STAG1: variants seen among roughly 807,000 people sequenced by gnomAD.
STAG1 encodes cohesin subunit SA-1.
A neutral mutation model predicts 170.9 loss-of-function variants in STAG1; 26 were observed. That is an observed-to-expected ratio of 0.15 (90% CI 0.11 to 0.21). The LOEUF (loss-of-function observed/expected upper bound fraction) is 0.21. Among genes scored for constraint, STAG1 ranks in the 10% least tolerant of loss-of-function variants. STAG1 has a pLI of 1.00. For missense variants in STAG1, 964 were observed against 1,509.5 expected (o/e 0.64, Z 5.99); for synonymous variants, 514 against 497.7 (o/e 1.03, Z -0.44).
chr3:136,530,130 TA>T (rs1405272219), intron 6 of STAG1, among the ~76,000 whole-genome samples: 1 of 152,166 alleles, frequency 6.6e-6, no homozygotes, highest in African/African-American at 2.4e-5. Flanking sequence ...AAAACAGTCA[TA>T]AAGACAAAGG....
At chr3:136,613,564 G>C (rs1196045295) in intron 3 of STAG1, among the ~76,000 whole-genome samples, 2 of 152,130 alleles carry the variant, frequency 1.3e-5, no homozygotes, top group Admixed American at 6.6e-5. Flanking sequence ...TCAGCTCACT[G>C]CAACCTCTGC....
intron 1 of STAG1, among the ~76,000 whole-genome samples, chr3:136,664,484 G>A (rs1272848755): frequency 6.6e-6 from 1 of 152,108 alleles, no homozygotes; most frequent in Non-Finnish European, 1.5e-5. Flanking sequence ...GGGGTACCTA[G>A]AAGCCTGCCA....
intron 4 of STAG1, among the ~76,000 whole-genome samples, chr3:136,569,485 T>C (rs1439622026): frequency 6.6e-6 from 1 of 150,448 alleles, no homozygotes; most frequent in South Asian, 2.1e-4. Flanking sequence ...GACTAAAATA[T>C]ATTTGTTGTT....
At chr3:136,572,007 AC>A (rs1238370845) in intron 4 of STAG1, among the ~76,000 whole-genome samples, 1 of 152,094 alleles carries the variant, frequency 6.6e-6, no homozygotes, top group Non-Finnish European at 1.5e-5. Flanking sequence ...ACATGGTAAA[AC>A]CCTATCTATG....
rs981700459 is a variant in STAG1, at chr3:136,373,599, A to G, written c.2370+4061T>C. ...ACATCTTTATTTCTGCCTTCATTTCATTATGTACCCAGTAGTCATTCAGGA... is the reference window on the plus strand; with the variant it reads ...ACATCTTTATTTCTGCCTTCATTTCGTTATGTACCCAGTAGTCATTCAGGA... On this transcript the variant is annotated intron_variant, in intron 23 of 33. Coordinates refer to ENST00000383202, the MANE Select transcript of STAG1 (RefSeq NM_005862.3). Among the ~76,000 whole-genome samples the G allele has an allele frequency of 7.9e-5, 12 of 152,036 alleles. No homozygotes were observed. In the East Asian group the frequency reaches 9.7e-4, roughly 12 times the overall value.
intron 22 of STAG1, among the ~76,000 whole-genome samples, chr3:136,391,916 T>C (rs910742564): frequency 3.2e-4 from 49 of 152,182 alleles, no homozygotes; most frequent in African/African-American, 1.1e-3. Flanking sequence ...CCAGTGCACT[T>C]CCATTTCAAA....
intron 6 of STAG1, among the ~76,000 whole-genome samples, chr3:136,522,337 A>G (rs906855860): frequency 2.0e-5 from 3 of 152,162 alleles, no homozygotes; most frequent in Non-Finnish European, 4.4e-5. Context: ...AGGAGAACGG[A>G]CTCAGAGTCA....
chr3:136,427,331 G>A (rs1405770443), intron 16 of STAG1, among the ~76,000 whole-genome samples: 1 of 152,062 alleles, frequency 6.6e-6, no homozygotes. Context: ...TGCTATTGCA[G>A]TGAGCTCAAG....
intron 9 of STAG1, among the ~76,000 whole-genome samples, chr3:136,498,694 TAAAA>T (rs1256373532): frequency 7.3e-6 from 1 of 137,862 alleles, no homozygotes; most frequent in Non-Finnish European, 1.6e-5. Context: ...AAAGTTGCAG[TAAAA>T]AAAAAAAAAC....
chr3:136,563,652 A>C (rs1480339710), intron 5 of STAG1, among the ~76,000 whole-genome samples: 23 of 151,310 alleles, frequency 1.5e-4, no homozygotes, highest in Admixed American at 1.5e-3. Flanking sequence ...TCTTACAAAA[A>C]AAAAAAAAAA....
At chr3:136,398,921 T>C in intron 21 of STAG1, 92 bp from the exon 22 acceptor site, 1 of 673,528 alleles carries the variant, frequency 1.5e-6, no homozygotes, top group South Asian at 3.1e-5. Context: ...TTATCACAGT[T>C]GTTATTTTAT....
intron 2 of STAG1, among the ~76,000 whole-genome samples, chr3:136,625,931 T>C (rs1462976643): frequency 3.3e-5 from 5 of 152,244 alleles, no homozygotes; most frequent in Non-Finnish European, 7.3e-5. Context: ...CTCATGCCTG[T>C]AATCCCAACA....
intron 5 of STAG1, among the ~76,000 whole-genome samples, chr3:136,566,599 T>C (rs965412714): frequency 2.0e-5 from 3 of 152,214 alleles, no homozygotes; most frequent in Non-Finnish European, 4.4e-5. Flanking sequence ...CAAATCATTC[T>C]GAAGACTAAT....
chr3:136,617,636 A>G (rs1468762276), intron 3 of STAG1, among the ~76,000 whole-genome samples: 1 of 152,222 alleles, frequency 6.6e-6, no homozygotes, highest in Non-Finnish European at 1.5e-5. Context: ...TACAGGAGTT[A>G]TAACAGATTG....
intron 32 of STAG1, among the ~76,000 whole-genome samples, chr3:136,339,754 T>C (rs1274184580): frequency 1.3e-5 from 2 of 152,202 alleles, no homozygotes; most frequent in Non-Finnish European, 1.5e-5. Flanking sequence ...ATGAGAACTT[T>C]TGAAAAAAAC....
chr3:136,466,752 A>T (rs904115686), intron 12 of STAG1, among the ~76,000 whole-genome samples: 14 of 152,284 alleles, frequency 9.2e-5, no homozygotes, highest in East Asian at 5.8e-4. Flanking sequence ...GCAGCCAGAG[A>T]GAAAGGTCGG....
chr3:136,731,566 G>C (rs575415121), intron 1 of STAG1, among the ~76,000 whole-genome samples: 8 of 152,218 alleles, frequency 5.3e-5, no homozygotes, highest in African/African-American at 1.9e-4. Context: ...AAAGAGAGGA[G>C]CAATAAGCCT....
intron 7 of STAG1, among the ~76,000 whole-genome samples, chr3:136,509,974 T>A (rs966204783): frequency 1.3e-5 from 2 of 152,214 alleles, no homozygotes; most frequent in East Asian, 1.9e-4. Flanking sequence ...TTATTTTTTT[T>A]AAAAGGGATC....
intron 1 of STAG1, among the ~76,000 whole-genome samples, chr3:136,645,440 C>T (rs73230016): frequency 0.013 from 2,005 of 152,190 alleles, 30 homozygotes; most frequent in Middle Eastern, 0.031. Flanking sequence ...CTGCTCATAC[C>T]ACTCTCCATC....
Sources: allele counts gnomAD v4.1 joint callset (sites outside exome capture counted in the v4.1 genomes callset), GRCh38; gene constraint gnomAD v4.1.1; transcripts MANE v1.5; gene names NCBI Gene and HGNC (gene_info 2026-07-23, HGNC 2026-07-21).